SNTG1: variants seen among roughly 807,000 people sequenced by gnomAD.
SNTG1 encodes gamma-1-syntrophin.
A neutral mutation model predicts 74.7 loss-of-function variants in SNTG1; 39 were observed. The observed-to-expected ratio is 0.52, with a 90% CI of 0.40 to 0.68. The LOEUF is 0.68. Among genes scored for constraint, SNTG1 ranks in the 30% least tolerant of loss-of-function variants. SNTG1 has a pLI of 0.00. For missense variants in SNTG1, 685 were observed against 609.5 expected, an observed-to-expected ratio of 1.12 and a Z score of -1.30; for synonymous variants, 254 against 217.1, an observed-to-expected ratio of 1.17 and a Z score of -1.49.
At chr8:50,424,912 A>G (rs1251350156) in intron 4 of SNTG1, among the ~76,000 whole-genome samples, 1 of 152,192 alleles carries the variant, frequency 6.6e-6, no homozygotes, top group Non-Finnish European at 1.5e-5. Context: ...TTTCAAAGTA[A>G]TTACATAAAC....
Position 50,348,079 on chromosome 8 carries a change from C to T in SNTG1, c.-27-46133C>T, listed in dbSNP as rs57722611. ...TGATTGAAAAGGATGATAAAACTTC[C>T]TTCATCTCCCCAAAAGCCAACTGAG... On this transcript the variant is annotated intron_variant, in intron 2 of 18. Coordinates refer to ENST00000642720, the MANE Select transcript of SNTG1 (RefSeq NM_018967.5). Among the ~76,000 whole-genome samples the T allele has an allele frequency of 9.2e-3, 1,406 of 152,260 alleles. 26 individuals are homozygous for T. Among genetic ancestry groups the T allele is most frequent in the African/African-American group, 0.032 (1,335 of 41,534 alleles).
chr8:50,211,962 AAGAC>A (rs779607322), intron 2 of SNTG1, among the ~76,000 whole-genome samples: 3 of 152,280 alleles, frequency 2.0e-5, no homozygotes, highest in African/African-American at 4.8e-5. Context: ...ATAAAATAAA[AAGAC>A]AGGCTGTTAT....
rs75080406 is a variant in SNTG1, at chr8:50,697,188, T to A, written c.1039-7412T>A. 2.0e-3 allele frequency among the ~76,000 whole-genome samples: 306 copies of A among 152,212 alleles called. 4 individuals are homozygous for A. The highest frequency in any genetic ancestry group is 7.2e-3 in the African/African-American group (299 of 41,570). On this transcript the variant is annotated intron_variant, in intron 15 of 18. Coordinates refer to ENST00000642720, the MANE Select transcript of SNTG1 (RefSeq NM_018967.5). ...TTGCTTAAATGTATTTCCGGGTTTT[T>A]TTGGAAGTTATTATAAATAAGATTG...
intron 15 of SNTG1, among the ~76,000 whole-genome samples, chr8:50,691,720 G>T (rs1489706342): frequency 6.6e-6 from 1 of 152,044 alleles, no homozygotes; most frequent in Non-Finnish European, 1.5e-5. Flanking sequence ...TCTGAAAATT[G>T]TGTGTCTTGG....
At chr8:50,564,862 C>T (rs535599131) in intron 12 of SNTG1, among the ~76,000 whole-genome samples, 3 of 152,110 alleles carry the variant, frequency 2.0e-5, no homozygotes, top group Admixed American at 1.3e-4. Context: ...TAAAAATGTC[C>T]TTTCTTTCTT....
At chr8:50,009,484 A>G (rs1323005917) in intron 1 of SNTG1, among the ~76,000 whole-genome samples, 5 of 152,144 alleles carry the variant, frequency 3.3e-5, no homozygotes, top group African/African-American at 1.2e-4. Flanking sequence ...TCTAAGCATT[A>G]GGCTAAGCAT....
chr8:50,610,635 T>C (rs1293930274), intron 13 of SNTG1, among the ~76,000 whole-genome samples: 1 of 152,188 alleles, frequency 6.6e-6, no homozygotes, highest in Non-Finnish European at 1.5e-5. Context: ...AAGTTTATGC[T>C]ACTCACTCCT....
intron 1 of SNTG1, among the ~76,000 whole-genome samples, chr8:50,005,588 A>C (rs1815147798): frequency 6.6e-6 from 1 of 152,200 alleles, no homozygotes; most frequent in Non-Finnish European, 1.5e-5. Context: ...AAGGGTTACT[A>C]TATACATACA....
intron 13 of SNTG1, among the ~76,000 whole-genome samples, chr8:50,630,424 T>C (rs1047017726): frequency 1.4e-4 from 21 of 152,196 alleles, no homozygotes; most frequent in African/African-American, 4.8e-4. Flanking sequence ...TTTGGGGTTA[T>C]GCCAACCAAA....
At chr8:50,248,713 G>A (rs999194410) in intron 2 of SNTG1, among the ~76,000 whole-genome samples, 1 of 152,060 alleles carries the variant, frequency 6.6e-6, no homozygotes, top group Admixed American at 6.6e-5. Context: ...CTAAATATAT[G>A]TTAAAAGAAC....
At chr8:50,213,757 C>A (rs1319923463) in intron 2 of SNTG1, among the ~76,000 whole-genome samples, 1 of 151,862 alleles carries the variant, frequency 6.6e-6, no homozygotes, top group Non-Finnish European at 1.5e-5. Flanking sequence ...ATGTCCTTCG[C>A]CCACCTTTTG....
chr8:50,543,177 C>G (rs2094360935), intron 11 of SNTG1, among the ~76,000 whole-genome samples: 1 of 152,170 alleles, frequency 6.6e-6, no homozygotes, highest in African/African-American at 2.4e-5. Context: ...GAGCATTTCC[C>G]CAGTGTCTTC....
chr8:49,998,536 T>A (rs1028884025), intron 1 of SNTG1, among the ~76,000 whole-genome samples: 8 of 151,962 alleles, frequency 5.3e-5, no homozygotes, highest in Admixed American at 1.3e-4. Flanking sequence ...ATATGTTTTA[T>A]TTTATTTTTA....
chr8:50,743,439 A>G (rs1042140172), intron 17 of SNTG1, among the ~76,000 whole-genome samples: 2 of 151,936 alleles, frequency 1.3e-5, no homozygotes, highest in African/African-American at 2.4e-5. Context: ...AGAAAAATAC[A>G]CTTGTCAGAA....
intron 9 of SNTG1, among the ~76,000 whole-genome samples, chr8:50,528,705 T>C (rs1563528334): frequency 6.6e-6 from 1 of 151,874 alleles, no homozygotes; most frequent in Non-Finnish European, 1.5e-5. Flanking sequence ...TTATTTATCA[T>C]GACCGCTCAT....
At chr8:49,981,102 T>A (rs192454999) in intron 1 of SNTG1, among the ~76,000 whole-genome samples, 31 of 152,262 alleles carry the variant, frequency 2.0e-4, no homozygotes, top group Admixed American at 8.5e-4. Flanking sequence ...CTGATAAACA[T>A]TGAATTGAAT....
At position 50,279,364 on chromosome 8, in the gene SNTG1, G is replaced by A. The variant is rs536337270; in HGVS notation, c.-28+106729G>A. 9.2e-5 allele frequency among the ~76,000 whole-genome samples: 14 copies of A among 152,128 alleles called. No individual in the cohort carries two copies. The South Asian group carries it at 2.7e-3, about 29-fold the overall frequency. On this transcript the variant is annotated intron_variant, in intron 2 of 18. Transcript: ENST00000642720. ...AAATGAAAAACAAAATCTGAGTAAAGCATTATGAAAATTTGAATTAATATA... is the reference window on the plus strand; with the variant it reads ...AAATGAAAAACAAAATCTGAGTAAAACATTATGAAAATTTGAATTAATATA...
At chr8:50,786,284 A>C (rs1389426090) in intron 18 of SNTG1, among the ~76,000 whole-genome samples, 1 of 152,036 alleles carries the variant, frequency 6.6e-6, no homozygotes, top group African/African-American at 2.4e-5. Flanking sequence ...CAGTATCAAA[A>C]AATTCTAAGG....
Position 50,008,424 on chromosome 8 carries a change from T to G in SNTG1, c.-103+96193T>G, listed in dbSNP as rs572371136. Among the ~76,000 whole-genome samples, 3 of 152,332 alleles carry G rather than the reference T, an allele frequency of 2.0e-5. No homozygotes were observed. In the East Asian group the frequency reaches 5.8e-4, roughly 29 times the overall value. ...TTGTTCTATTATTAAACACATCCTG[T>G]GGAAATTATTGCTCTTCTTAGAAAT... On this transcript the variant is annotated intron_variant, in intron 1 of 18. Coordinates refer to ENST00000642720, the MANE Select transcript of SNTG1 (RefSeq NM_018967.5).
Sources: allele counts gnomAD v4.1 joint callset (sites outside exome capture counted in the v4.1 genomes callset), GRCh38; gene constraint gnomAD v4.1.1; transcripts MANE v1.5; gene names NCBI Gene and HGNC (gene_info 2026-07-23, HGNC 2026-07-21).